The following GLB1 variants were observed in gnomAD, a reference collection of about 807,000 sequenced individuals.
GLB1 encodes the protein galactosidase beta 1.
In GLB1, 56 loss-of-function variants were observed where a neutral mutation model predicts 74.0. The observed-to-expected ratio is 0.76, with a 90% CI of 0.61 to 0.94. The LOEUF (loss-of-function observed/expected upper bound fraction) is 0.94, where lower values mean the gene tolerates loss of function less well. GLB1 is among the 40% of genes least tolerant of loss of function. GLB1 has a pLI of 0.00. For missense variants in GLB1, 787 were observed against 845.5 expected (o/e 0.93, Z 0.86); for synonymous variants, 323 against 323.6 (o/e 1.00, Z 0.02).
At chr3:33,013,076 G>T (rs113100650) in intron 15 of GLB1, among the ~76,000 whole-genome samples, 3 of 152,164 alleles carry the variant, frequency 2.0e-5, no homozygotes, top group Non-Finnish European at 2.9e-5. Context: ...TATAAGGCCC[G>T]TCCCAATCTA....
At chr3:33,089,424 ATAAAT>A (rs1258906494) in intron 1 of GLB1, among the ~76,000 whole-genome samples, 1 of 152,222 alleles carries the variant, frequency 6.6e-6, no homozygotes, top group African/African-American at 2.4e-5. Flanking sequence ...CTCCACAACA[ATAAAT>A]TAAATAACCT....
intron 11 of GLB1, 73 bp from the exon 12 acceptor site, chr3:33,021,728 A>G: frequency 6.5e-7 from 1 of 1,533,764 alleles, no homozygotes. Flanking sequence ...TCATTCCCTA[A>G]TTATCAAAGA....
chr3:32,985,103 T>C, the GLB1 span, among the ~76,000 whole-genome samples: 1 of 86,820 alleles, frequency 1.2e-5, no homozygotes, highest in Non-Finnish European at 2.1e-5. Flanking sequence ...AAACTCTGTC[T>C]CAAAAAAAAA....
At chr3:33,074,381 GAAGGAAGGAAGAAAGA>G (rs1345256126) in intron 1 of GLB1, among the ~76,000 whole-genome samples, 1 of 9,500 alleles carries the variant, frequency 1.1e-4, no homozygotes. Flanking sequence ...AGGAAGGAAG[GAAGGAAGGAAGAAAGA>G]AAGAAAGAAA....
chr3:33,056,335 C>A (rs1388039682), intron 6 of GLB1, among the ~76,000 whole-genome samples: 1 of 149,638 alleles, frequency 6.7e-6, no homozygotes, highest in African/African-American at 2.5e-5. Context: ...GTGCAATGCA[C>A]ATGAAGTGCC....
At chr3:33,090,599 C>T in intron 1 of GLB1, 3 of 985,400 alleles carry the variant, frequency 3.0e-6, no homozygotes, top group Non-Finnish European at 3.6e-6. Context: ...TTTCTCACCA[C>T]CTCCCCCGGC....
chr3:33,078,450 T>C (rs1181154310), intron 1 of GLB1, among the ~76,000 whole-genome samples: 1 of 152,202 alleles, frequency 6.6e-6, no homozygotes, highest in Non-Finnish European at 1.5e-5. Context: ...AGACATTATG[T>C]CTCTCATGTT....
intron 4 of GLB1, among the ~76,000 whole-genome samples, chr3:33,066,491 C>A (rs1328781856): frequency 1.3e-5 from 2 of 152,188 alleles, no homozygotes; most frequent in Non-Finnish European, 2.9e-5. Context: ...CCAGATATAG[C>A]CCCTCCACCT....
rs774600648 is a variant in GLB1 at position 33,077,142 on chromosome 3, C to T, written c.76-4429G>A. 3.3e-4 allele frequency: 480 copies of T among 1,437,876 alleles called. 2 individuals carry two copies. The highest frequency in any genetic ancestry group is 4.3e-4 in the Non-Finnish European group (461 of 1,080,832). 89.1% of individuals were successfully genotyped at this position (1,437,876 alleles called of 1,614,324 possible). On this transcript the variant is annotated intron_variant, in intron 1 of 15. Coordinates refer to ENST00000307363, the MANE Select transcript of GLB1 (RefSeq NM_000404.4). ...TCCCACTCCTGTTGCTGCTTGCGTG[C>T]TCATTCGGTGCAGTCTTGGTACCTC... is the stretch of plus-strand genomic sequence containing the variant.
In GLB1 at chr3:33,031,083, A is replaced by G. The variant is rs571009927; in HGVS notation, c.1069-6758T>C. Among the ~76,000 whole-genome samples, 25 of 152,258 alleles carry G rather than the reference A, an allele frequency of 1.6e-4. No individual in the cohort carries two copies. In the South Asian group the frequency reaches 5.0e-3, roughly 30 times the overall value. On this transcript the variant is annotated intron_variant, in intron 10 of 15. Transcript: ENST00000307363. Reference sequence around the variant, plus strand: ...AGACAACCGCCTGGGGGCCTTCACCACTGAGCACAGGCTTATGCAGCCTGC... The same window carrying G: ...AGACAACCGCCTGGGGGCCTTCACCGCTGAGCACAGGCTTATGCAGCCTGC...
At chr3:32,988,241 G>A in the GLB1 span, among the ~76,000 whole-genome samples, 2 of 147,404 alleles carry the variant, frequency 1.4e-5, no homozygotes, top group Non-Finnish European at 3.0e-5. Flanking sequence ...CAAAGACCAA[G>A]GACTTAAGTG....
At chr3:33,056,654 C>T (rs1699236157) in intron 6 of GLB1, among the ~76,000 whole-genome samples, 1 of 152,090 alleles carries the variant, frequency 6.6e-6, no homozygotes, top group South Asian at 2.1e-4. Flanking sequence ...CTCCTATTCC[C>T]TTCACCTAGA....
chr3:32,996,646 T>G lies in GLB1; in HGVS notation c.*399A>C. The G allele has an allele frequency of 3.8e-6, 1 of 265,202 alleles. No individual in the cohort carries two copies. The highest frequency in any genetic ancestry group is 4.4e-5 in the South Asian group (1 of 22,580). 16.4% of individuals were successfully genotyped at this position (265,202 alleles called of 1,614,324 possible). A position where few individuals can be genotyped will look rare whatever the true frequency, so the allele number is the denominator to read the frequency against. On this transcript the variant is annotated 3_prime_UTR_variant, in exon 16 of 16. Transcript: ENST00000307363. Reference sequence around the variant, plus strand: ...TTTGAACTTCAAGTTAGTGAAGTGGTTTATTCAGCCCACTCAAGTCTAGTT... The same window carrying G: ...TTTGAACTTCAAGTTAGTGAAGTGGGTTATTCAGCCCACTCAAGTCTAGTT...
chr3:32,965,193 G>A, the GLB1 span, among the ~76,000 whole-genome samples: 1 of 152,206 alleles, frequency 6.6e-6, no homozygotes, highest in Non-Finnish European at 1.5e-5. Flanking sequence ...AGCGACTTTG[G>A]AACTGGGTAA....
chr3:33,033,386 C>A (rs572415088), intron 10 of GLB1, among the ~76,000 whole-genome samples: 120 of 152,228 alleles, frequency 7.9e-4, no homozygotes, highest in African/African-American at 2.7e-3. Context: ...CAATACTAAA[C>A]AAATTTCAAT....
intron 12 of GLB1, among the ~76,000 whole-genome samples, chr3:33,020,429 A>G (rs1298244295): frequency 1.3e-5 from 2 of 152,202 alleles, no homozygotes; most frequent in African/African-American, 4.8e-5. Flanking sequence ...GAAGCTTAAC[A>G]TTGCAGTTAA....
intron 1 of GLB1, among the ~76,000 whole-genome samples, chr3:33,076,032 G>A (rs1364051718): frequency 1.1e-4 from 16 of 147,142 alleles, no homozygotes; most frequent in Non-Finnish European, 2.1e-4. Context: ...GCGACAGTGC[G>A]AGACTCTGTC....
intron 15 of GLB1, among the ~76,000 whole-genome samples, chr3:33,003,789 G>A (rs1277758662): frequency 6.6e-6 from 1 of 152,118 alleles, no homozygotes; most frequent in Non-Finnish European, 1.5e-5. Context: ...CAGCACTTTG[G>A]GAGGCCAAGG....
chr3:33,091,687 G>C, intron 1 of GLB1: 1 of 985,160 alleles, frequency 1.0e-6, no homozygotes, highest in Non-Finnish European at 1.2e-6. Flanking sequence ...GGCTGAGTGA[G>C]GGAAAGTCAC....
Sources: allele counts gnomAD v4.1 joint callset (sites outside exome capture counted in the v4.1 genomes callset), GRCh38; gene constraint gnomAD v4.1.1; transcripts MANE v1.5; gene names NCBI Gene and HGNC (gene_info 2026-07-23, HGNC 2026-07-21).